The following NDUFV2 variants were observed in gnomAD, a reference collection of about 807,000 sequenced individuals.
NDUFV2 encodes the protein NADH dehydrogenase [ubiquinone] flavoprotein 2, mitochondrial.
NDUFV2 carries 18 observed loss-of-function variants against 31.6 expected under a neutral mutation model. The ratio of observed to expected loss-of-function variants is 0.57; its 90% CI spans 0.39 to 0.84. The LOEUF (loss-of-function observed/expected upper bound fraction) is 0.84. Ranked by LOEUF, NDUFV2 falls within the 40% of genes least tolerant of loss-of-function variation. The probability of loss-of-function intolerance (pLI) is 0.00; values close to 1 mark genes in which losing one functional copy is unlikely to be tolerated. For missense variants in NDUFV2, 314 were observed against 303.6 expected (o/e 1.03, Z -0.26); for synonymous variants, 83 against 99.8 (o/e 0.83, Z 1.01).
intron 1 of NDUFV2, chr18:9,105,121 T>G: frequency 3.4e-6 from 3 of 888,572 alleles, no homozygotes; most frequent in Non-Finnish European, 4.6e-6. Context: ...AACCAGGCCC[T>G]TCTAACCTTT....
intron 7 of NDUFV2, chr18:9,132,172 C>T (rs570883336): frequency 6.1e-4 from 93 of 152,254 alleles, no homozygotes; most frequent in African/African-American, 2.2e-3. Context: ...TTTAAAATTA[C>T]TTCCATATAT....
intron 7 of NDUFV2, among the ~76,000 whole-genome samples, chr18:9,129,196 C>A (rs571443826): frequency 1.3e-5 from 2 of 152,312 alleles, no homozygotes; most frequent in East Asian, 3.9e-4. Context: ...CTGCCTTGGC[C>A]TCCCAAAGTG....
chr18:9,110,812 T>G (rs762555484), intron 1 of NDUFV2, among the ~76,000 whole-genome samples: 2 of 152,162 alleles, frequency 1.3e-5, no homozygotes, highest in Non-Finnish European at 2.9e-5. Flanking sequence ...CTGGCCAGCT[T>G]CTTTTATTTT....
chr18:9,128,667 A>G (rs2078013416), intron 7 of NDUFV2, among the ~76,000 whole-genome samples: 1 of 152,178 alleles, frequency 6.6e-6, no homozygotes, highest in Admixed American at 6.5e-5. Flanking sequence ...CTTGCTTTAA[A>G]TAGACACTGT....
intron 1 of NDUFV2, chr18:9,104,996 G>T (rs1201124820): frequency 6.5e-7 from 1 of 1,527,378 alleles, no homozygotes; most frequent in South Asian, 1.2e-5. Context: ...ATACTGTTTG[G>T]TAGCCTGCTC....
At chr18:9,128,400 CCT>C (rs1245937121) in intron 7 of NDUFV2, among the ~76,000 whole-genome samples, 2 of 152,150 alleles carry the variant, frequency 1.3e-5, no homozygotes, top group Non-Finnish European at 2.9e-5. Context: ...CTAGCTGGCC[CCT>C]GTTGACCATT....
rs760606373 is a variant in NDUFV2, at chr18:9,126,813, TG to T, written c.580-17del. 1.3e-6 allele frequency: 2 copies of T among 1,585,030 alleles called. No individual in the cohort carries two copies. The highest frequency in any genetic ancestry group is 3.3e-5 in the Admixed American group (2 of 59,960). ...AAGAAAGTAATTTAAATATGACTATTGTTAATTTTTTTTCCAGGAGGATTTG... is the reference window on the plus strand; with the variant it reads ...AAGAAAGTAATTTAAATATGACTATTTTAATTTTTTTTCCAGGAGGATTTG... On this transcript the variant is annotated splice_polypyrimidine_tract_variant and intron_variant, in intron 6 of 7. Transcript: ENST00000318388.
At chr18:9,122,387 G>A in intron 4 of NDUFV2, 126 bp from the exon 5 acceptor site, 1 of 820,080 alleles carries the variant, frequency 1.2e-6, no homozygotes, top group Non-Finnish European at 2.0e-6. Flanking sequence ...TATGTTTTCT[G>A]CTCTTGAAGA....
chr18:9,114,680 G>A (rs1047443226), intron 1 of NDUFV2, among the ~76,000 whole-genome samples: 2 of 152,048 alleles, frequency 1.3e-5, no homozygotes, highest in Non-Finnish European at 2.9e-5. Flanking sequence ...CTAAACCCAA[G>A]GCCTCAACAA....
chr18:9,103,026 C>G, intron 1 of NDUFV2: 1 of 496,418 alleles, frequency 2.0e-6, no homozygotes, highest in Non-Finnish European at 3.5e-6. Flanking sequence ...TCGAGGAGGA[C>G]AGAAAAGAGG....
intron 1 of NDUFV2, 73 bp from the exon 2 acceptor site, chr18:9,117,765 C>A: frequency 2.4e-6 from 2 of 834,710 alleles, no homozygotes; most frequent in Non-Finnish European, 4.2e-6. Context: ...AATTATGAAT[C>A]CTAAAGTATT....
intron 1 of NDUFV2, among the ~76,000 whole-genome samples, chr18:9,109,862 T>G (rs1357498789): frequency 6.6e-6 from 1 of 152,238 alleles, no homozygotes; most frequent in Non-Finnish European, 1.5e-5. Context: ...GTCACTGTTT[T>G]GGCCTGCTTA....
At position 9,119,619 on chromosome 18, in the gene NDUFV2, A is replaced by G. The variant is rs186788173; in HGVS notation, c.300+29A>G. The G allele has an allele frequency of 5.9e-4, 883 of 1,508,572 alleles. 1 individual carries two copies. Among genetic ancestry groups the G allele is most frequent in the Non-Finnish European group, 7.7e-4 (838 of 1,083,998 alleles). The allele number at this position is 1,508,572 out of a possible 1,614,324, so 93.4% of individuals were successfully genotyped here. A position where few individuals can be genotyped will look rare whatever the true frequency, so the allele number is the denominator to read the frequency against. On this transcript the variant is annotated intron_variant, in intron 4 of 7. Transcript: ENST00000318388. ...CTGGATTCATTTTTGCCTTAGTTCT[A>G]AAAGAGAAGAGATTGTGTATGATAA... is the stretch of plus-strand genomic sequence containing the variant.
chr18:9,125,084 T>A (rs144623571), intron 6 of NDUFV2, 101 bp downstream of exon 6: 121 of 1,277,368 alleles, frequency 9.5e-5, no homozygotes, highest in Middle Eastern at 2.0e-4. Flanking sequence ...TCTGAATTAC[T>A]CATTTAGAAG....
chr18:9,110,610 C>G (rs529684346), intron 1 of NDUFV2, among the ~76,000 whole-genome samples: 2 of 152,294 alleles, frequency 1.3e-5, no homozygotes, highest in Admixed American at 6.5e-5. Context: ...TGGGCGCAAG[C>G]GATGCTCCCA....
intron 1 of NDUFV2, 166 bp downstream of exon 1, chr18:9,102,963 G>A (rs1471524201): frequency 9.6e-6 from 6 of 625,698 alleles, no homozygotes; most frequent in East Asian, 3.3e-5. Flanking sequence ...CAGCCCCACC[G>A]TGAGAAGCCC....
chr18:9,121,815 A>G (rs771587135), intron 4 of NDUFV2, among the ~76,000 whole-genome samples: 13 of 152,188 alleles, frequency 8.5e-5, no homozygotes, highest in Non-Finnish European at 1.6e-4. Flanking sequence ...TGTCAAAACA[A>G]TTGTTTTCTA....
intron 1 of NDUFV2, chr18:9,103,142 C>T: frequency 2.5e-6 from 1 of 401,054 alleles, no homozygotes; most frequent in Non-Finnish European, 4.4e-6. Context: ...ACCGTCGCTC[C>T]GAAGGAGGCA....
intron 1 of NDUFV2, chr18:9,105,009 T>C: frequency 6.6e-7 from 1 of 1,514,698 alleles, no homozygotes; most frequent in South Asian, 1.3e-5. Context: ...GCCTGCTCTT[T>C]TGTAATGTAT....
Sources: allele counts gnomAD v4.1 joint callset (sites outside exome capture counted in the v4.1 genomes callset), GRCh38; gene constraint gnomAD v4.1.1; transcripts MANE v1.5; gene names NCBI Gene and HGNC (gene_info 2026-07-23, HGNC 2026-07-21).